Variants in ARSJ observed in about 807,000 individuals in gnomAD.
The protein encoded by ARSJ is arylsulfatase J.
In ARSJ, 26 loss-of-function variants were observed where a neutral mutation model predicts 35.9. The observed-to-expected ratio is 0.72, with a 90% confidence interval of 0.53 to 1.00. ARSJ has a LOEUF of 1.00. Among genes scored for constraint, ARSJ ranks in the 50% least tolerant of loss-of-function variants. The pLI, the probability that ARSJ is intolerant of heterozygous loss-of-function variation, is 0.00. For missense variants in ARSJ, 667 were observed against 723.6 expected, an observed-to-expected ratio of 0.92 and a Z score of 0.90; for synonymous variants, 294 against 267.6, an observed-to-expected ratio of 1.10 and a Z score of -0.96.
rs548640201 is a variant in ARSJ at position 113,949,104 on chromosome 4, A to T, written c.398+29333T>A. ...CTAACACAGGAACAGAAAATCAAACACCACATGTTCTCACTCATAAGTGGG... is the reference window on the plus strand; with the variant it reads ...CTAACACAGGAACAGAAAATCAAACTCCACATGTTCTCACTCATAAGTGGG... On this transcript the variant is annotated intron_variant, in intron 1 of 1. Transcript: ENST00000315366. Among the ~76,000 whole-genome samples the T allele has an allele frequency of 6.0e-5, 9 of 148,806 alleles. No homozygotes were observed. The South Asian group carries it at 1.7e-3, about 29-fold the overall frequency.
chr4:113,903,399 G>A lies in ARSJ; in HGVS notation c.675C>T (p.Asn225=), dbSNP rs1299739611. 15 of 1,613,990 alleles carry A rather than the reference G, an allele frequency of 9.3e-6. No homozygotes were observed. The highest frequency in any genetic ancestry group is 5.3e-5 in the African/African-American group (4 of 74,868). The part of the protein sequence containing the change: ...PGMCGYDLYE[N]DNAAWDYDNG... The stretch of plus-strand genomic sequence containing the variant: ...TGTCATAGTCCCAGGCAGCATTGTC[G>A]TTTTCATACAAGTCATAGCCACACA... Residue 225 remains asparagine, a synonymous_variant, in exon 2 of 2, where the codon AAC becomes AAT. Coordinates refer to ENST00000315366, the MANE Select transcript of ARSJ (RefSeq NM_024590.4).
intron 1 of ARSJ, among the ~76,000 whole-genome samples, chr4:113,964,428 T>C (rs969327364): frequency 6.6e-6 from 1 of 152,140 alleles, no homozygotes; most frequent in Non-Finnish European, 1.5e-5. Flanking sequence ...TGCTTTTTGC[T>C]CTTGAACCAA....
Position 113,954,342 on chromosome 4 carries a change from G to A in ARSJ, c.398+24095C>T, listed in dbSNP as rs549796803. ...CTGATCCAAAAAAAGTAATTTGCAA[G>A]GAATATGAAATAGAAAACAACTTCA... is the stretch of plus-strand genomic sequence containing the variant. On this transcript the variant is annotated intron_variant, in intron 1 of 1. Transcript: ENST00000315366. Among the ~76,000 whole-genome samples, 29 of 152,046 alleles carry A rather than the reference G, an allele frequency of 1.9e-4. 1 individual carries two copies. The South Asian group carries it at 5.6e-3, about 29-fold the overall frequency.
chr4:113,927,482 T>C (rs1382056964), intron 1 of ARSJ, among the ~76,000 whole-genome samples: 2 of 152,204 alleles, frequency 1.3e-5, no homozygotes, highest in Non-Finnish European at 2.9e-5. Context: ...AATAAGATTA[T>C]CACACAAAGC....
intron 1 of ARSJ, among the ~76,000 whole-genome samples, chr4:113,933,153 A>G (rs961008548): frequency 2.0e-5 from 3 of 151,756 alleles, no homozygotes; most frequent in Admixed American, 2.0e-4. Context: ...GCCAAAATAG[A>G]ACCATGAAGA....
Position 113,901,090 on chromosome 4 carries a change from C to T in ARSJ, c.*1184G>A, listed in dbSNP as rs1017139634. ...TACTGTGGTTGTTAGCAAACCATTC[C>T]TTCAATTGCCTATTAGTAAAGATTT... On this transcript the variant is annotated 3_prime_UTR_variant, in exon 2 of 2. Coordinates refer to ENST00000315366, the MANE Select transcript of ARSJ (RefSeq NM_024590.4). The T allele has an allele frequency of 1.3e-5, 2 of 152,132 alleles. No homozygotes were observed. The highest frequency in any genetic ancestry group is 4.8e-5 in the African/African-American group (2 of 41,428). 9.4% of individuals were successfully genotyped at this position (152,132 alleles called of 1,614,324 possible).
At chr4:113,903,803 A>G in intron 1 of ARSJ, 128 bp from the exon 2 acceptor site, 1 of 1,268,906 alleles carries the variant, frequency 7.9e-7, no homozygotes, top group South Asian at 1.6e-5. Context: ...CCCCAATGAT[A>G]AATGACCAAT....
chr4:113,903,220 A>T lies in ARSJ; in HGVS notation c.854T>A (p.Ile285Asn). The T allele has an allele frequency of 1.2e-6, 2 of 1,614,186 alleles. No individual in the cohort carries two copies. Among genetic ancestry groups the T allele is most frequent in the Non-Finnish European group, 1.7e-6 (2 of 1,180,022 alleles). ...PGRYFEHYRS[I>N]ININRRRYAA... ...ATATCTCCTCCTGTTTATGTTGATA[A>T]TGGATCGGTAGTGTTCGAAATACCT... Residue 285 changes from isoleucine (I) to asparagine (N), a missense_variant, in exon 2 of 2, where the codon ATT (isoleucine) becomes AAT (asparagine). By Grantham distance (149) the Ile-to-Asn change is moderately radical. Coordinates refer to ENST00000315366, the MANE Select transcript of ARSJ (RefSeq NM_024590.4).
chr4:113,952,226 T>C (rs1725906633), intron 1 of ARSJ, among the ~76,000 whole-genome samples: 1 of 151,980 alleles, frequency 6.6e-6, no homozygotes, highest in African/African-American at 2.4e-5. Flanking sequence ...GAAATTTAAG[T>C]GATATATTTT....
chr4:113,902,407 T>C lies in ARSJ; in HGVS notation c.1667A>G (p.Lys556Arg). 6.2e-7 allele frequency: 1 copy of C among 1,614,024 alleles called. No homozygotes were observed. Among genetic ancestry groups the C allele is most frequent in the Non-Finnish European group, 8.5e-7 (1 of 1,179,968 alleles). Reference protein sequence around the residue: ...LNGGVWGPWYKEETKKKKPSK... With the variant: ...LNGGVWGPWYREETKKKKPSK... ...TGGCTTCTTTTTCTTGGTTTCCTCT[T>C]TATACCATGGTCCCCAGACCCCTCC... Residue 556 changes from lysine (K) to arginine (R), a missense_variant, in exon 2 of 2, where the codon AAA (lysine) becomes AGA (arginine). Lys to Arg is a conservative substitution (Grantham distance 26). Transcript: ENST00000315366.
chr4:113,906,534 G>T lies in ARSJ; in HGVS notation c.399-2859C>A, dbSNP rs186269950. On this transcript the variant is annotated intron_variant, in intron 1 of 1. Transcript: ENST00000315366. ...CCAGCAACATAAAAGTTTGACAGCA[G>T]CTTATAACAGGGAAGAGGTTTTCAG... The T allele has an allele frequency of 3.8e-4, 82 of 218,410 alleles. 1 individual carries two copies. Among genetic ancestry groups the T allele is most frequent in the African/African-American group, 1.6e-3 (68 of 42,986 alleles). The allele number at this position is 218,410 out of a possible 1,614,324, so 13.5% of individuals were successfully genotyped here.
At chr4:113,912,991 T>C (rs554521934) in intron 1 of ARSJ, among the ~76,000 whole-genome samples, 2 of 152,238 alleles carry the variant, frequency 1.3e-5, no homozygotes, top group East Asian at 1.9e-4. Context: ...GGATTAAATA[T>C]AAATGTCAAA....
chr4:113,941,613 C>T (rs1447880887), intron 1 of ARSJ, among the ~76,000 whole-genome samples: 1 of 151,768 alleles, frequency 6.6e-6, no homozygotes, highest in Admixed American at 6.6e-5. Flanking sequence ...AATTCAAATT[C>T]AACACATGAA....
At position 113,903,344 on chromosome 4, in the gene ARSJ, G is replaced by C. The variant is rs750245700; in HGVS notation, c.730C>G (p.Gln244Glu). The change falls in exon 2 of 2, where the codon CAG becomes GAG. Residue 244 changes from glutamine (Q) to glutamate (E), a missense_variant. Gln to Glu is a conservative substitution (Grantham distance 29). Transcript: ENST00000315366. ...GAAGCTAAGATTTGCTGTACTCTCT[G>C]AGTGTACATCTGTGTGGAGTATATG... ...NGIYSTQMYT[Q>E]RVQQILASHN... The C allele has an allele frequency of 5.6e-6, 9 of 1,614,194 alleles. No individual in the cohort carries two copies. Among genetic ancestry groups the C allele is most frequent in the Non-Finnish European group, 7.6e-6 (9 of 1,180,030 alleles).
At chr4:113,930,120 C>G (rs962676304) in intron 1 of ARSJ, among the ~76,000 whole-genome samples, 1 of 152,008 alleles carries the variant, frequency 6.6e-6, no homozygotes, top group Admixed American at 6.6e-5. Flanking sequence ...ATCCCTGGTA[C>G]CCAAATCTGT....
At chr4:113,933,699 C>G (rs1306401782) in intron 1 of ARSJ, among the ~76,000 whole-genome samples, 1 of 151,656 alleles carries the variant, frequency 6.6e-6, no homozygotes, top group African/African-American at 2.4e-5. Context: ...AAACCTTCAC[C>G]AAACTGGGTG....
In ARSJ at chr4:113,903,264, T is replaced by C. The variant is rs898982949; in HGVS notation, c.810A>G (p.Ser270=). ...FLYIAYQAVH[S]PLQAPGRYFE... ...AATACCTGCCAGGAGCTTGCAGTGG[T>C]GAATGAACAGCTTGATAGGCAATAT... Residue 270 remains serine, a synonymous_variant, in exon 2 of 2, where the codon TCA becomes TCG. Transcript: ENST00000315366. The C allele has an allele frequency of 2.5e-6, 4 of 1,614,068 alleles. No homozygotes were observed. The highest frequency in any genetic ancestry group is 1.3e-5 in the African/African-American group (1 of 74,914).
chr4:113,906,744 A>C (rs1209222796), intron 1 of ARSJ: 1 of 456,164 alleles, frequency 2.2e-6, no homozygotes, highest in Non-Finnish European at 4.4e-6. Context: ...CAGTTTCCTC[A>C]TCTGTAAAAT....
At chr4:113,968,434 A>G (rs1247503238) in intron 1 of ARSJ, among the ~76,000 whole-genome samples, 1 of 152,214 alleles carries the variant, frequency 6.6e-6, no homozygotes, top group East Asian at 1.9e-4. Context: ...ACAGAGCAGA[A>G]TGCACTTGAC....
Sources: allele counts gnomAD v4.1 joint callset (sites outside exome capture counted in the v4.1 genomes callset), GRCh38; gene constraint gnomAD v4.1.1; transcripts MANE v1.5; gene names NCBI Gene and HGNC (gene_info 2026-07-23, HGNC 2026-07-21).